The following RDH11 variants were observed in gnomAD, a reference collection of about 807,000 sequenced individuals.
RDH11 encodes the protein HCV core-binding protein HCBP12.
A neutral mutation model predicts 33.4 loss-of-function variants in RDH11; 19 were observed. The ratio of observed to expected loss-of-function variants is 0.57; its 90% CI spans 0.40 to 0.83. The LOEUF is 0.83. RDH11 is among the 40% of genes least tolerant of loss of function. The pLI is 0.00. For synonymous variants in RDH11, 154 were observed against 155.3 expected (o/e 0.99, Z 0.06); for missense variants, 353 against 389.0 (o/e 0.91, Z 0.78).
At position 67,690,299 on chromosome 14, in the gene RDH11, C is replaced by T. The variant is rs778523948; in HGVS notation, c.577G>A (p.Glu193Lys). Residue 193 changes from glutamate (E) to lysine (K), a missense_variant, in exon 5 of 7, where the codon GAG (glutamate) becomes AAG (lysine). By Grantham distance (56) the Glu-to-Lys change is moderately conservative. Coordinates refer to ENST00000381346, the MANE Select transcript of RDH11 (RefSeq NM_016026.4). ...GRIHFHNLQG[E>K]KFYNAGLAYC... Reference sequence around the variant, plus strand: ...GCCAGGCCTGCATTGTAGAATTTCTCGCCCTGCAGGTTATGGAAGTGGATC... The same window carrying T: ...GCCAGGCCTGCATTGTAGAATTTCTTGCCCTGCAGGTTATGGAAGTGGATC... The T allele has an allele frequency of 2.4e-5, 39 of 1,614,120 alleles. 1 individual carries two copies. The highest frequency in any genetic ancestry group is 6.6e-5 in the South Asian group (6 of 91,076).
intron 1 of RDH11, among the ~76,000 whole-genome samples, chr14:67,694,368 C>T (rs1047441231): frequency 2.0e-5 from 3 of 151,068 alleles, no homozygotes; most frequent in Non-Finnish European, 2.9e-5. Context: ...AAAGAGACAA[C>T]TATAAAAGTC....
intron 5 of RDH11, 27 bp from the exon 6 acceptor site, chr14:67,685,231 G>GT: frequency 6.3e-7 from 1 of 1,587,060 alleles, no homozygotes; most frequent in Non-Finnish European, 8.6e-7. Context: ...TGAAGAGAGG[G>GT]TAAGACAGGA....
rs746419852 is a variant in RDH11, at chr14:67,695,621, T to G, written c.74+9A>C. 1 of 1,612,654 alleles carries G rather than the reference T, an allele frequency of 6.2e-7. No individual in the cohort carries two copies. The highest frequency in any genetic ancestry group is 8.5e-7 in the Non-Finnish European group (1 of 1,179,234). On this transcript the variant is annotated intron_variant, in intron 1 of 6. Coordinates refer to ENST00000381346, the MANE Select transcript of RDH11 (RefSeq NM_016026.4). ...AATTCTCAAGAGAAGGCAATACATTTGCACAGACCTGATTTGGGGCGCAGC... is the reference window on the plus strand; with the variant it reads ...AATTCTCAAGAGAAGGCAATACATTGGCACAGACCTGATTTGGGGCGCAGC...
chr14:67,692,885 AG>A (rs1566830673), intron 2 of RDH11, 48 bp downstream of exon 2: 1 of 1,227,682 alleles, frequency 8.1e-7, no homozygotes, highest in Admixed American at 1.8e-5. Flanking sequence ...CATTACTGTG[AG>A]GGGTAAAACA....
At chr14:67,686,484 A>T (rs1338291760) in intron 5 of RDH11, among the ~76,000 whole-genome samples, 1 of 151,990 alleles carries the variant, frequency 6.6e-6, no homozygotes, top group Admixed American at 6.6e-5. Flanking sequence ...ACTAAAATAG[A>T]AAAAATTGGC....
intron 5 of RDH11, among the ~76,000 whole-genome samples, chr14:67,688,378 A>G (rs1165148573): frequency 6.6e-6 from 1 of 152,202 alleles, no homozygotes; most frequent in Non-Finnish European, 1.5e-5. Context: ...TTAAGGGGTA[A>G]ATCCATATGT....
At chr14:67,694,516 A>T (rs967152770) in intron 1 of RDH11, among the ~76,000 whole-genome samples, 80 of 138,486 alleles carry the variant, frequency 5.8e-4, no homozygotes, top group African/African-American at 2.2e-3. Flanking sequence ...ACACACATAT[A>T]TTTTTTTTTT....
At position 67,677,362 on chromosome 14, in the gene RDH11, G is replaced by GCTT. The variant is rs1491192256; in HGVS notation, c.*958_*959insAAG. On this transcript the variant is annotated 3_prime_UTR_variant, in exon 7 of 7. Coordinates refer to ENST00000381346, the MANE Select transcript of RDH11 (RefSeq NM_016026.4). The stretch of plus-strand genomic sequence containing the variant: ...GTTTTTTTTGTTTGTTTGTTTTTAG[G>GCTT]ATTTTTTTTTTTTTTTTTTTTTTTT... The GCTT allele has an allele frequency of 3.8e-5, 1 of 26,278 alleles. No individual in the cohort carries two copies. Among genetic ancestry groups the GCTT allele is most frequent in the South Asian group, 1.3e-3 (1 of 760 alleles). 1.6% of individuals were successfully genotyped at this position (26,278 alleles called of 1,614,324 possible).
At position 67,691,476 on chromosome 14, in the gene RDH11, C is replaced by T. The variant is rs371256223; in HGVS notation, c.350-232G>A. The stretch of plus-strand genomic sequence containing the variant: ...ATACTACCAAATGACCTTCCAGATC[C>T]TTGTAGTTCAGGAGCTACTTACTCA... On this transcript the variant is annotated intron_variant, in intron 3 of 6. Transcript: ENST00000381346. The T allele has an allele frequency of 1.3e-4, 57 of 439,186 alleles. 1 individual carries two copies. Among genetic ancestry groups the T allele is most frequent in the African/African-American group, 1.1e-3 (53 of 50,108 alleles). 27.2% of individuals were successfully genotyped at this position (439,186 alleles called of 1,614,324 possible).
chr14:67,692,900 G>T, intron 2 of RDH11, 34 bp downstream of exon 2: 1 of 1,375,190 alleles, frequency 7.3e-7, no homozygotes. Flanking sequence ...TAAAACAGCA[G>T]TAATAGGAGG....
chr14:67,680,954 A>G (rs1038035672), intron 6 of RDH11, among the ~76,000 whole-genome samples: 2 of 152,264 alleles, frequency 1.3e-5, no homozygotes, highest in Non-Finnish European at 2.9e-5. Flanking sequence ...AAAGTGAAAC[A>G]TAAACCCTTA....
At position 67,677,375 on chromosome 14, in the gene RDH11, T is replaced by TG. The variant is rs2037554870; in HGVS notation, c.*945_*946insC. ...GTTTGTTTTTAGGATTTTTTTTTTT[T>TG]TTTTTTTTTTTTTTTTTGCCACACT... is the stretch of plus-strand genomic sequence containing the variant. On this transcript the variant is annotated 3_prime_UTR_variant, in exon 7 of 7. Transcript: ENST00000381346. The TG allele has an allele frequency of 1.4e-5, 2 of 141,400 alleles. No individual in the cohort carries two copies. The highest frequency in any genetic ancestry group is 7.2e-5 in the Admixed American group (1 of 13,986). The allele number at this position is 141,400 out of a possible 1,614,324, so 8.8% of individuals were successfully genotyped here.
intron 4 of RDH11, 108 bp from the exon 5 acceptor site, chr14:67,690,529 T>C: frequency 1.1e-6 from 1 of 876,222 alleles, no homozygotes; most frequent in Non-Finnish European, 1.8e-6. Context: ...AAATAAGGTC[T>C]TTCCCTCCAA....
At chr14:67,688,378 A>T (rs1165148573) in intron 5 of RDH11, among the ~76,000 whole-genome samples, 1 of 152,202 alleles carries the variant, frequency 6.6e-6, no homozygotes, top group African/African-American at 2.4e-5. Context: ...TTAAGGGGTA[A>T]ATCCATATGT....
At chr14:67,691,538 A>G (rs531288936) in intron 3 of RDH11, 3 of 268,928 alleles carry the variant, frequency 1.1e-5, no homozygotes, top group African/African-American at 6.6e-5. Flanking sequence ...CTCTCTCAAT[A>G]AAAAGACTTC....
intron 5 of RDH11, 117 bp from the exon 6 acceptor site, chr14:67,685,321 G>T: frequency 1.3e-6 from 1 of 741,924 alleles, no homozygotes; most frequent in Non-Finnish European, 2.2e-6. Context: ...TTTTGCCCAT[G>T]GTGACATCAG....
chr14:67,678,475 C>T (rs1369971597), intron 6 of RDH11, 52 bp from the exon 7 acceptor site: 4 of 1,226,098 alleles, frequency 3.3e-6, no homozygotes, highest in Non-Finnish European at 4.8e-6. Context: ...TGAAGTCTGC[C>T]ATCTGCCAGG....
chr14:67,690,018 A>C, intron 5 of RDH11, 194 bp downstream of exon 5: 2 of 569,518 alleles, frequency 3.5e-6, no homozygotes, highest in South Asian at 4.1e-5. Context: ...CTTCAGACTC[A>C]AAGTCAGAGT....
At chr14:67,689,410 A>G (rs151145081) in intron 5 of RDH11, among the ~76,000 whole-genome samples, 3 of 152,298 alleles carry the variant, frequency 2.0e-5, no homozygotes, top group African/African-American at 7.2e-5. Context: ...TTGTGACTGG[A>G]AATTCCCCTT....
Sources: gnomAD v4.1 joint callset for allele counts (sites outside exome capture counted in the v4.1 genomes callset) on GRCh38, gnomAD v4.1.1 for gene constraint, MANE v1.5 for transcripts, NCBI Gene and HGNC (gene_info 2026-07-23, HGNC 2026-07-21) for gene names.